Variants in ZNF451 observed in about 807,000 individuals in gnomAD.
ZNF451 encodes zinc finger protein 451.
A neutral mutation model predicts 107.1 loss-of-function variants in ZNF451; 80 were observed. The observed-to-expected ratio is 0.75, with a 90% confidence interval of 0.62 to 0.90. The LOEUF is 0.90. Among genes scored for constraint, ZNF451 ranks in the 40% least tolerant of loss-of-function variants. The pLI is 0.00. For missense variants in ZNF451, 1,107 were observed against 1,236.2 expected, an observed-to-expected ratio of 0.90 and a Z score of 1.57; for synonymous variants, 362 against 406.5, an observed-to-expected ratio of 0.89 and a Z score of 1.32.
intron 14 of ZNF451, among the ~76,000 whole-genome samples, chr6:57,167,688 T>G (rs757794237): frequency 3.9e-5 from 6 of 152,134 alleles, no homozygotes; most frequent in African/African-American, 7.2e-5. Context: ...AAATCTGGTG[T>G]GAGAAGCTAG....
chr6:57,127,349 T>A (rs921320480), intron 4 of ZNF451, among the ~76,000 whole-genome samples: 1 of 152,184 alleles, frequency 6.6e-6, no homozygotes, highest in African/African-American at 2.4e-5. Flanking sequence ...CAGAGAATTT[T>A]AAAAAATGTA....
At chr6:57,099,173 C>G (rs755058023) in intron 3 of ZNF451, 32 bp downstream of exon 3, 1 of 1,514,678 alleles carries the variant, frequency 6.6e-7, no homozygotes. Context: ...TGTGTTTCTT[C>G]ACTTGTGTCT....
At chr6:57,108,873 T>C in intron 3 of ZNF451, 8 of 985,434 alleles carry the variant, frequency 8.1e-6, no homozygotes, top group Non-Finnish European at 9.6e-6. Context: ...CATTAAGTCA[T>C]TAAGCAACTT....
At chr6:57,155,679 G>A (rs1336188601) in intron 13 of ZNF451, among the ~76,000 whole-genome samples, 1 of 152,158 alleles carries the variant, frequency 6.6e-6, no homozygotes, top group East Asian at 1.9e-4. Flanking sequence ...TGGTTTTGCA[G>A]AGGCAAAACC....
rs796159711 is a variant in ZNF451, at chr6:57,118,215, C to CT, written c.187-6508dup. ...CCTTTAGGAGAATTGTCATTACTGT[C>CT]TTTTTTTTTTTGGTAGGTAAACAGT... On this transcript the variant is annotated intron_variant, in intron 3 of 14. Transcript: ENST00000370706. Among the ~76,000 whole-genome samples, 746 of 145,452 alleles carry CT rather than the reference C, an allele frequency of 5.1e-3. 5 individuals are homozygous for CT. The highest frequency in any genetic ancestry group is 0.017 in the African/African-American group (676 of 40,020).
intron 3 of ZNF451, chr6:57,101,146 G>C (rs1246691526): frequency 6.4e-7 from 1 of 1,550,740 alleles, no homozygotes; most frequent in Admixed American, 2.0e-5. Context: ...ATCACCATCA[G>C]CTGATGACAA....
In ZNF451 at chr6:57,124,531, A is replaced by G. The variant is rs527845334; in HGVS notation, c.187-203A>G. ...AAGATGATAAATGTCCTAGCAGCTC[A>G]TTTGTCTAACTTCTTGAAAACCAAA... On this transcript the variant is annotated intron_variant, in intron 3 of 14. Transcript: ENST00000370706. 1.5e-3 allele frequency: 1,028 copies of G among 708,226 alleles called. 5 individuals are homozygous for G. Among genetic ancestry groups the G allele is most frequent in the South Asian group, 7.0e-3 (458 of 65,752 alleles). The allele number at this position is 708,226 out of a possible 1,614,324, so 43.9% of individuals were successfully genotyped here. A position where few individuals can be genotyped will look rare whatever the true frequency, so the allele number is the denominator to read the frequency against.
Position 57,121,362 on chromosome 6 carries a change from T to G in ZNF451, c.187-3372T>G, listed in dbSNP as rs182729744. ...TTCAGTACTGAGTTGGCTAATAGTT[T>G]TTTTGCCTCTCCATATACACTTCAA... On this transcript the variant is annotated intron_variant, in intron 3 of 14. Transcript: ENST00000370706. Among the ~76,000 whole-genome samples, 13 of 152,318 alleles carry G rather than the reference T, an allele frequency of 8.5e-5. No individual in the cohort carries two copies. The East Asian group carries it at 2.5e-3, about 29-fold the overall frequency.
chr6:57,139,715 A>G (rs1831657741), intron 7 of ZNF451, among the ~76,000 whole-genome samples: 1 of 152,208 alleles, frequency 6.6e-6, no homozygotes, highest in Admixed American at 6.6e-5. Context: ...TAGATGCTAG[A>G]AAAGACATAC....
intron 13 of ZNF451, among the ~76,000 whole-genome samples, chr6:57,155,031 C>A (rs1214057023): frequency 6.6e-6 from 1 of 152,090 alleles, no homozygotes; most frequent in Non-Finnish European, 1.5e-5. Context: ...TCTTTATACT[C>A]TTTAAAGTGG....
At chr6:57,111,611 C>CCTCA (rs1175415771) in intron 3 of ZNF451, among the ~76,000 whole-genome samples, 1 of 152,056 alleles carries the variant, frequency 6.6e-6, no homozygotes, top group Admixed American at 6.6e-5. Flanking sequence ...GAACTCCTGA[C>CCTCA]CTCAGGTGAT....
At chr6:57,160,480 C>T (rs1006101061) in intron 13 of ZNF451, among the ~76,000 whole-genome samples, 8 of 151,984 alleles carry the variant, frequency 5.3e-5, no homozygotes, top group South Asian at 2.1e-4. Context: ...ACTATAGGTG[C>T]GCACCACCAT....
intron 13 of ZNF451, among the ~76,000 whole-genome samples, chr6:57,157,655 C>T (rs1287498775): frequency 1.3e-5 from 2 of 152,128 alleles, no homozygotes; most frequent in Non-Finnish European, 2.9e-5. Flanking sequence ...CCTTGGTCTT[C>T]TTATCCTTCA....
At chr6:57,096,325 G>C (rs907604748) in intron 2 of ZNF451, among the ~76,000 whole-genome samples, 3 of 150,620 alleles carry the variant, frequency 2.0e-5, no homozygotes, top group Non-Finnish European at 4.4e-5. Context: ...GCTGGAATTA[G>C]AGGCGCCCAC....
intron 3 of ZNF451, chr6:57,101,790 G>T (rs775351416): frequency 3.2e-6 from 5 of 1,550,434 alleles, no homozygotes; most frequent in Admixed American, 2.0e-5. Context: ...ATAGACGGCA[G>T]GCCTGGCTTC....
chr6:57,125,691 G>A (rs1830897293), intron 4 of ZNF451, among the ~76,000 whole-genome samples: 1 of 152,092 alleles, frequency 6.6e-6, no homozygotes, highest in African/African-American at 2.4e-5. Context: ...AAAGTAATTT[G>A]TGTATTTCTG....
intron 3 of ZNF451, among the ~76,000 whole-genome samples, chr6:57,123,018 G>A (rs1466478048): frequency 6.6e-6 from 1 of 152,066 alleles, no homozygotes; most frequent in South Asian, 2.1e-4. Flanking sequence ...CTACAAGTAA[G>A]TTACCCAGGT....
intron 14 of ZNF451, chr6:57,164,737 T>C (rs1335283478): frequency 6.6e-6 from 1 of 152,194 alleles, no homozygotes; most frequent in Non-Finnish European, 1.5e-5. Context: ...TTGGGAACCA[T>C]TTCTATATGT....
intron 3 of ZNF451, chr6:57,108,643 T>C: frequency 9.1e-6 from 9 of 985,440 alleles, no homozygotes; most frequent in Non-Finnish European, 1.1e-5. Flanking sequence ...GAACGGCCTG[T>C]GTATTGATCT....
Sources: gnomAD v4.1 joint callset for allele counts (sites outside exome capture counted in the v4.1 genomes callset) on GRCh38, gnomAD v4.1.1 for gene constraint, MANE v1.5 for transcripts, NCBI Gene and HGNC (gene_info 2026-07-23, HGNC 2026-07-21) for gene names.